Variants in MAPK4 observed in about 807,000 individuals in gnomAD.
MAPK4 encodes mitogen-activated protein kinase 4, also known as Erk3-related.
Under a neutral mutation model 47.7 loss-of-function variants are expected in MAPK4, and 22 were observed. That is an observed-to-expected ratio of 0.46 (90% confidence interval 0.33 to 0.66). MAPK4 has a LOEUF of 0.66. MAPK4 is among the 30% of genes least tolerant of loss of function. MAPK4 has a pLI of 0.02. For missense variants in MAPK4, 736 were observed against 831.7 expected, an observed-to-expected ratio of 0.88 and a Z score of 1.42; for synonymous variants, 390 against 365.7, an observed-to-expected ratio of 1.07 and a Z score of -0.76.
intron 2 of MAPK4, among the ~76,000 whole-genome samples, chr18:50,687,474 A>G (rs1908948426): frequency 6.6e-6 from 1 of 152,250 alleles, no homozygotes; most frequent in Non-Finnish European, 1.5e-5. Context: ...CAATTATGTT[A>G]TCCTAAAGTA....
intron 1 of MAPK4, among the ~76,000 whole-genome samples, chr18:50,611,540 CG>C: frequency 6.6e-6 from 1 of 152,204 alleles, no homozygotes; most frequent in Non-Finnish European, 1.5e-5. Flanking sequence ...TAGAAGGTGT[CG>C]CTGAGCTCCT....
intron 1 of MAPK4, among the ~76,000 whole-genome samples, chr18:50,648,676 T>C (rs554330752): frequency 9.9e-5 from 15 of 152,276 alleles, no homozygotes; most frequent in African/African-American, 2.6e-4. Flanking sequence ...AGAGGTGGCA[T>C]GATGTAGCAT....
At chr18:50,701,403 T>C (rs920528947) in intron 2 of MAPK4, among the ~76,000 whole-genome samples, 1 of 152,202 alleles carries the variant, frequency 6.6e-6, no homozygotes, top group Non-Finnish European at 1.5e-5. Flanking sequence ...AAATGGGCTA[T>C]TGCCATTCAG....
At chr18:50,637,501 C>T (rs2042898150) in intron 1 of MAPK4, among the ~76,000 whole-genome samples, 1 of 152,160 alleles carries the variant, frequency 6.6e-6, no homozygotes, top group Non-Finnish European at 1.5e-5. Flanking sequence ...AGGGGATGGG[C>T]TTTGGAGTCA....
At chr18:50,722,135 G>A (rs1277275961) in intron 4 of MAPK4, 36 bp downstream of exon 4, 1 of 1,597,056 alleles carries the variant, frequency 6.3e-7, no homozygotes, top group Non-Finnish European at 8.5e-7. Flanking sequence ...AGTGTCCTGG[G>A]AGGATGAGCT....
chr18:50,725,823 G>A, intron 4 of MAPK4, 139 bp from the exon 5 acceptor site: 1 of 736,542 alleles, frequency 1.4e-6, no homozygotes. Flanking sequence ...CAAGGGTCTT[G>A]AGAAAGAAAA....
chr18:50,675,775 C>T (rs1428835392), intron 2 of MAPK4, among the ~76,000 whole-genome samples: 2 of 152,138 alleles, frequency 1.3e-5, no homozygotes, highest in Non-Finnish European at 2.9e-5. Flanking sequence ...CTGGTGTGAG[C>T]CACCACGCCC....
chr18:50,683,936 G>T (rs1015674415), intron 2 of MAPK4, among the ~76,000 whole-genome samples: 1 of 152,124 alleles, frequency 6.6e-6, no homozygotes, highest in Non-Finnish European at 1.5e-5. Context: ...CACCATCCAT[G>T]CTCCCACTCC....
chr18:50,641,700 A>T (rs962398106), intron 1 of MAPK4, among the ~76,000 whole-genome samples: 2 of 152,222 alleles, frequency 1.3e-5, no homozygotes, highest in Admixed American at 6.5e-5. Flanking sequence ...GCTGTAACTT[A>T]TCTGTTAGGA....
intron 1 of MAPK4, among the ~76,000 whole-genome samples, chr18:50,646,863 A>G (rs2042994681): frequency 6.6e-6 from 1 of 151,802 alleles, no homozygotes; most frequent in Non-Finnish European, 1.5e-5. Context: ...GATAGCCTCT[A>G]CTCACTCTTC....
At chr18:50,667,117 T>C (rs781300096) in intron 2 of MAPK4, among the ~76,000 whole-genome samples, 9 of 152,188 alleles carry the variant, frequency 5.9e-5, no homozygotes, top group Non-Finnish European at 1.2e-4. Flanking sequence ...TTTCTCTGAA[T>C]TCCCATGGCA....
intron 2 of MAPK4, among the ~76,000 whole-genome samples, chr18:50,700,793 G>C (rs1287397333): frequency 6.6e-6 from 1 of 152,180 alleles, no homozygotes. Flanking sequence ...GGAGTTGGGG[G>C]TGGGGGACAG....
rs779801528 is a variant in MAPK4, at chr18:50,664,524, CGGATACTGGT to C, written c.546+23_546+32del. On this transcript the variant is annotated intron_variant, in intron 2 of 5. Coordinates refer to ENST00000400384, the MANE Select transcript of MAPK4 (RefSeq NM_002747.4). The surrounding 1 kb of genome is among the most constrained non-coding windows in gnomAD (Gnocchi z 6.0). ...CACAAGGTATGTCTGGCTGGAATGG[CGGATACTGGT>C]GGTCCACAGAATCCCCAAGAATACT... 5.1e-6 allele frequency: 8 copies of C among 1,559,202 alleles called. No homozygotes were observed. In the African/African-American group the frequency reaches 1.1e-4, roughly 21 times the overall value.
chr18:50,645,204 C>T (rs974219929), intron 1 of MAPK4, among the ~76,000 whole-genome samples: 4 of 152,114 alleles, frequency 2.6e-5, no homozygotes, highest in East Asian at 1.9e-4. Flanking sequence ...AATGCCAACG[C>T]GCCATCCATA....
intron 1 of MAPK4, among the ~76,000 whole-genome samples, chr18:50,602,952 G>A (rs1239720160): frequency 6.6e-6 from 1 of 152,168 alleles, no homozygotes; most frequent in East Asian, 1.9e-4. Flanking sequence ...AGAGGGCCAA[G>A]ATGGGGACTT....
intron 1 of MAPK4, among the ~76,000 whole-genome samples, chr18:50,631,599 G>C (rs8091238): frequency 0.57 from 86,236 of 151,990 alleles, 25,392 homozygotes; most frequent in East Asian, 0.82. Context: ...AGGACCGTGT[G>C]CTTGCTCTGT....
chr18:50,672,541 C>T (rs1479763951), intron 2 of MAPK4, among the ~76,000 whole-genome samples: 1 of 152,094 alleles, frequency 6.6e-6, no homozygotes, highest in East Asian at 1.9e-4. Flanking sequence ...AGAAGAGGAT[C>T]CCGAGAAGAG....
At chr18:50,714,860 A>C (rs1326942106) in intron 2 of MAPK4, among the ~76,000 whole-genome samples, 1 of 152,156 alleles carries the variant, frequency 6.6e-6, no homozygotes, top group East Asian at 1.9e-4. Context: ...CGGATCTCGT[A>C]AGATTCTCTC....
chr18:50,715,872 C>T (rs966342471), intron 3 of MAPK4, among the ~76,000 whole-genome samples: 1 of 152,210 alleles, frequency 6.6e-6, no homozygotes, highest in Non-Finnish European at 1.5e-5. Context: ...ACCCACCCTA[C>T]ATTTTTAGCC....
Sources: gnomAD v4.1 joint callset for allele counts (sites outside exome capture counted in the v4.1 genomes callset) on GRCh38, gnomAD v4.1.1 for gene constraint, Gnocchi (gnomAD v3.1) non-coding constraint, MANE v1.5 for transcripts, NCBI Gene and HGNC (gene_info 2026-07-23, HGNC 2026-07-21) for gene names.